VIRMA: variants seen among roughly 807,000 people sequenced by gnomAD.
The protein encoded by VIRMA is vir like m6A methyltransferase associated, also known as protein virilizer homolog.
In VIRMA, 65 loss-of-function variants were observed where a neutral mutation model predicts 182.4. The ratio of observed to expected loss-of-function variants is 0.36; its 90% CI spans 0.29 to 0.44. VIRMA has a LOEUF of 0.44. Among genes scored for constraint, VIRMA ranks in the 20% least tolerant of loss-of-function variants. The pLI is 1.00. For synonymous variants in VIRMA, 709 were observed against 743.1 expected (o/e 0.95, Z 0.75); for missense variants, 1,752 against 2,158.1 (o/e 0.81, Z 3.73).
At chr8:94,531,249 GCTGA>G (rs1246807160) in intron 5 of VIRMA, among the ~76,000 whole-genome samples, 164 bp from the exon 6 acceptor site, 3 of 152,114 alleles carry the variant, frequency 2.0e-5, no homozygotes, top group East Asian at 1.9e-4. Context: ...TATATAATGG[GCTGA>G]CTGTCTGTAT....
chr8:94,493,022 T>G (rs1168153397), intron 20 of VIRMA, among the ~76,000 whole-genome samples: 3 of 152,192 alleles, frequency 2.0e-5, no homozygotes, highest in Non-Finnish European at 4.4e-5. Flanking sequence ...AATGCTACTT[T>G]TTTTGTGTGT....
rs746079561 is a variant in VIRMA, at chr8:94,526,339, A to G, written c.1905T>C (p.Phe635=). 1.1e-5 allele frequency: 17 copies of G among 1,614,076 alleles called. No homozygotes were observed. The highest frequency in any genetic ancestry group is 1.6e-4 in the Middle Eastern group (1 of 6,062). ...TATGAGGGGCAGTTTCCATTAAATG[A>G]AAAACTTCTTCTAGGAGGTTAATAA... The part of the protein sequence containing the change: ...ERLINLLEEV[F]HLMETAPHTM... Residue 635 remains phenylalanine (F), a synonymous_variant, in exon 8 of 24, where the codon TTT becomes TTC. Coordinates refer to ENST00000297591, the MANE Select transcript of VIRMA (RefSeq NM_015496.5).
rs1243914422 is a variant in VIRMA at position 94,526,671 on chromosome 8, G to T, written c.1573C>A (p.Gln525Lys). ...EGMEAFLRGR[Q>K]NEKSGYQKLL... ...TTTTGATAACCACTTTTTTCATTCTGCCTACCTCTTAAAAAAGCTTCCATT... is the reference window on the plus strand; with the variant it reads ...TTTTGATAACCACTTTTTTCATTCTTCCTACCTCTTAAAAAAGCTTCCATT... The change falls in exon 8 of 24, where the codon CAG becomes AAG. Residue 525 changes from glutamine to lysine, a missense_variant. Transcript: ENST00000297591. 1 of 1,613,620 alleles carries T rather than the reference G, an allele frequency of 6.2e-7. No homozygotes were observed. The highest frequency in any genetic ancestry group is 2.2e-5 in the East Asian group (1 of 44,888).
chr8:94,530,284 C>T (rs893989142), intron 6 of VIRMA, among the ~76,000 whole-genome samples: 5 of 151,828 alleles, frequency 3.3e-5, no homozygotes, highest in Non-Finnish European at 5.9e-5. Context: ...GGGGCCAAGG[C>T]GGGAGGATCA....
intron 10 of VIRMA, among the ~76,000 whole-genome samples, chr8:94,515,983 C>T (rs1814549543): frequency 6.6e-6 from 1 of 151,842 alleles, no homozygotes; most frequent in South Asian, 2.1e-4. Flanking sequence ...TAGCACGCAC[C>T]TGTAGTCCCA....
chr8:94,537,408 T>C (rs1815381940), intron 3 of VIRMA, among the ~76,000 whole-genome samples: 1 of 152,152 alleles, frequency 6.6e-6, no homozygotes, highest in African/African-American at 2.4e-5. Context: ...GTAATTCTAA[T>C]GTACAGCCAG....
intron 4 of VIRMA, among the ~76,000 whole-genome samples, chr8:94,535,344 T>C (rs7012478): frequency 2.1e-3 from 322 of 152,182 alleles, no homozygotes; most frequent in African/African-American, 7.1e-3. Context: ...TAAACCCCAA[T>C]AGGTACAGGG....
intron 8 of VIRMA, among the ~76,000 whole-genome samples, chr8:94,521,169 A>G (rs539805577): frequency 6.6e-6 from 1 of 152,096 alleles, no homozygotes; most frequent in South Asian, 2.1e-4. Context: ...TGAAGCCCAC[A>G]TGTATTAGCT....
chr8:94,500,762 G>C (rs759475721), intron 16 of VIRMA, among the ~76,000 whole-genome samples: 14 of 147,758 alleles, frequency 9.5e-5, no homozygotes, highest in Non-Finnish European at 2.1e-4. Flanking sequence ...GTCTACCCAA[G>C]AGAAATGAAA....
rs1478836101 is a variant in VIRMA, at chr8:94,538,340, T to G, written c.186A>C (p.Thr62=). The G allele has an allele frequency of 6.2e-7, 1 of 1,602,992 alleles. No individual in the cohort carries two copies. The highest frequency in any genetic ancestry group is 2.2e-5 in the East Asian group (1 of 44,752). The part of the protein sequence containing the change: ...SLPDNRAYGE[T]SPHTFQLDLF... ...AGTCTAATTGAAATGTATGGGGAGA[T>G]GTCTCTCTGTAAATGAAACAAAGTT... The change falls in exon 3 of 24, where the codon ACA becomes ACC. Residue 62 remains threonine, a synonymous_variant. Transcript: ENST00000297591.
intron 15 of VIRMA, among the ~76,000 whole-genome samples, chr8:94,508,156 G>A (rs901518286): frequency 4.6e-5 from 7 of 151,798 alleles, no homozygotes; most frequent in Admixed American, 2.6e-4. Flanking sequence ...GCGCAATCTC[G>A]GCTCATTGCA....
intron 4 of VIRMA, among the ~76,000 whole-genome samples, chr8:94,536,057 G>A (rs188987975): frequency 1.1e-3 from 170 of 152,302 alleles, no homozygotes; most frequent in African/African-American, 3.9e-3. Context: ...CCTGACTTCT[G>A]AGTTCTCTTT....
chr8:94,548,150 C>G (rs759382399), intron 1 of VIRMA, among the ~76,000 whole-genome samples: 1 of 150,468 alleles, frequency 6.6e-6, no homozygotes, highest in Non-Finnish European at 1.5e-5. Flanking sequence ...ATGAGACTTA[C>G]TTTTTACCAC....
At position 94,529,111 on chromosome 8, in the gene VIRMA, T is replaced by A. The variant is rs780591199; in HGVS notation, c.839A>T (p.Glu280Val). 8 of 1,533,994 alleles carry A rather than the reference T, an allele frequency of 5.2e-6. No homozygotes were observed. In the East Asian group the frequency reaches 1.8e-4, roughly 35 times the overall value. The change falls in exon 7 of 24, where the codon GAA (glutamate) becomes GTA (valine). Residue 280 changes from glutamate to valine, a missense_variant. By Grantham distance (121) the Glu-to-Val change is moderately radical. Coordinates refer to ENST00000297591, the MANE Select transcript of VIRMA (RefSeq NM_015496.5). Reference sequence around the variant, plus strand: ...CTCTTCACCTTCTTCCTCTTCATCTTCCTCTTCCTCCTCAGGAATACTGTC... The same window carrying A: ...CTCTTCACCTTCTTCCTCTTCATCTACCTCTTCCTCCTCAGGAATACTGTC... ...TVDSIPEEEE[E>V]DEEEEGEEDE... is the part of the protein sequence containing the mutation.
chr8:94,500,930 T>C (rs1175010038), intron 16 of VIRMA, among the ~76,000 whole-genome samples: 1 of 151,916 alleles, frequency 6.6e-6, no homozygotes, highest in Non-Finnish European at 1.5e-5. Flanking sequence ...AACATAAATT[T>C]GACTAGATAT....
chr8:94,511,132 TA>T (rs1219669030), intron 13 of VIRMA, 52 bp downstream of exon 13: 2 of 1,560,900 alleles, frequency 1.3e-6, no homozygotes, highest in Non-Finnish European at 1.7e-6. Context: ...ACTGGCTTTT[TA>T]AAAAGTGTTA....
intron 1 of VIRMA, among the ~76,000 whole-genome samples, chr8:94,551,484 G>C (rs1413755189): frequency 6.6e-6 from 1 of 151,956 alleles, no homozygotes; most frequent in African/African-American, 2.4e-5. Context: ...TCAATATTTC[G>C]TATCACCCAC....
At chr8:94,544,028 G>A in intron 1 of VIRMA, 86 bp from the exon 2 acceptor site, 1 of 694,598 alleles carries the variant, frequency 1.4e-6, no homozygotes, top group South Asian at 1.7e-5. Context: ...CATTCACAAT[G>A]TCACATGTAA....
At chr8:94,520,185 C>CAAAAAAA (rs757063695) in intron 8 of VIRMA, among the ~76,000 whole-genome samples, 1 of 82,956 alleles carries the variant, frequency 1.2e-5, no homozygotes, top group Admixed American at 1.3e-4. Context: ...GACCCTGCAT[C>CAAAAAAA]AAAAAAAAAA....
Sources: allele counts gnomAD v4.1 joint callset (sites outside exome capture counted in the v4.1 genomes callset), GRCh38; gene constraint gnomAD v4.1.1; transcripts MANE v1.5; gene names NCBI Gene and HGNC (gene_info 2026-07-23, HGNC 2026-07-21).